Variants in ESRRG observed in about 807,000 individuals in gnomAD.
ESRRG encodes estrogen-related receptor gamma.
In ESRRG, 13 loss-of-function variants were observed where a neutral mutation model predicts 44.0. That is an observed-to-expected ratio of 0.30 (90% CI 0.19 to 0.47). ESRRG has a LOEUF of 0.47. Among genes scored for constraint, ESRRG ranks in the 20% least tolerant of loss-of-function variants. The pLI is 1.00. For missense variants in ESRRG, 395 were observed against 580.6 expected (o/e 0.68, Z 3.29); for synonymous variants, 215 against 214.6 (o/e 1.00, Z -0.02).
At chr1:216,999,632 C>T in intron 1 of ESRRG, among the ~76,000 whole-genome samples, 1 of 152,134 alleles carries the variant, frequency 6.6e-6, no homozygotes, top group East Asian at 1.9e-4. Context: ...CAGTATTTTA[C>T]CAACACCCTG....
intron 2 of ESRRG, among the ~76,000 whole-genome samples, chr1:216,903,324 G>T (rs1577923882): frequency 6.6e-6 from 1 of 152,042 alleles, no homozygotes; most frequent in Admixed American, 6.6e-5. Flanking sequence ...GTAGCACCGG[G>T]CCAAGATCTT....
intron 2 of ESRRG, among the ~76,000 whole-genome samples, chr1:216,842,586 C>T (rs1394107067): frequency 1.3e-5 from 2 of 152,162 alleles, no homozygotes; most frequent in African/African-American, 4.8e-5. Flanking sequence ...GGCAGATGTG[C>T]TTTCTGCCCG....
At chr1:216,851,710 A>G (rs1187858029) in intron 2 of ESRRG, among the ~76,000 whole-genome samples, 1 of 152,236 alleles carries the variant, frequency 6.6e-6, no homozygotes, top group Non-Finnish European at 1.5e-5. Context: ...GTGCTTCATT[A>G]CAGCAGGCCG....
At chr1:216,960,273 G>T (rs2068771928) in intron 1 of ESRRG, among the ~76,000 whole-genome samples, 2 of 152,080 alleles carry the variant, frequency 1.3e-5, no homozygotes, top group African/African-American at 4.8e-5. Flanking sequence ...CATAATAACA[G>T]AATAAACTCT....
chr1:216,878,645 T>C (rs2096394817), intron 2 of ESRRG, among the ~76,000 whole-genome samples: 1 of 152,196 alleles, frequency 6.6e-6, no homozygotes, highest in South Asian at 2.1e-4. Context: ...AAAGCAACAA[T>C]ACACAGTCTG....
intron 1 of ESRRG, among the ~76,000 whole-genome samples, chr1:217,070,740 T>C (rs992931049): frequency 6.6e-5 from 10 of 152,254 alleles, no homozygotes; most frequent in Non-Finnish European, 1.3e-4. Flanking sequence ...CTCACATAAA[T>C]GTACCTATAC....
chr1:216,579,215 A>G (rs1218397835), intron 3 of ESRRG, among the ~76,000 whole-genome samples: 1 of 152,156 alleles, frequency 6.6e-6, no homozygotes, highest in Admixed American at 6.6e-5. Context: ...AAGGCATTAT[A>G]TTTGGACATC....
In ESRRG at chr1:216,959,175, C is replaced by T. The variant is rs2068542344; in HGVS notation, c.-105-19502G>A. On this transcript the variant is annotated intron_variant, in intron 1 of 7. Coordinates refer to the ESRRG transcript ENST00000359162. ...CTCTATGAGGACAAGGAATTTTGAC[C>T]ATTCATTCCACAACTTTTGCTCACT... Among the ~76,000 whole-genome samples, 3 of 152,030 alleles carry T rather than the reference C, an allele frequency of 2.0e-5. No individual in the cohort carries two copies. In the South Asian group the frequency reaches 6.2e-4, roughly 32 times the overall value.
chr1:216,816,567 G>C (rs1021521529), intron 2 of ESRRG, among the ~76,000 whole-genome samples: 2 of 152,140 alleles, frequency 1.3e-5, no homozygotes, highest in African/African-American at 2.4e-5. Flanking sequence ...AAACACACCC[G>C]AGTACTTTAA....
intron 1 of ESRRG, among the ~76,000 whole-genome samples, chr1:216,722,598 T>C (rs1007256306): frequency 6.6e-6 from 1 of 152,092 alleles, no homozygotes; most frequent in Admixed American, 6.6e-5. Flanking sequence ...CTTCTTTAGT[T>C]TTTTTTCCCC....
intron 1 of ESRRG, among the ~76,000 whole-genome samples, chr1:217,028,411 A>C (rs1459151561): frequency 1.3e-5 from 2 of 152,208 alleles, no homozygotes; most frequent in Non-Finnish European, 2.9e-5. Context: ...TGGTAAATAC[A>C]GAAGTCCAAT....
At chr1:216,661,443 G>C (rs1166010499) in intron 2 of ESRRG, among the ~76,000 whole-genome samples, 1 of 152,118 alleles carries the variant, frequency 6.6e-6, no homozygotes, top group African/African-American at 2.4e-5. Context: ...CAAAAGCCTT[G>C]TTAATAAAAT....
intron 3 of ESRRG, among the ~76,000 whole-genome samples, chr1:216,579,974 T>G (rs2062425255): frequency 6.6e-6 from 1 of 152,204 alleles, no homozygotes; most frequent in Non-Finnish European, 1.5e-5. Context: ...TTTCATTTGT[T>G]ACATATATTC....
At chr1:216,574,779 A>C (rs549631922) in intron 3 of ESRRG, among the ~76,000 whole-genome samples, 4 of 152,146 alleles carry the variant, frequency 2.6e-5, no homozygotes, top group Non-Finnish European at 5.9e-5. Flanking sequence ...ATGTTATCAA[A>C]CATAGATTGC....
At chr1:216,576,256 G>A (rs981314831) in intron 3 of ESRRG, among the ~76,000 whole-genome samples, 2 of 151,676 alleles carry the variant, frequency 1.3e-5, no homozygotes, top group African/African-American at 4.8e-5. Context: ...CTGCTTGGCT[G>A]CATGTGGAAA....
chr1:216,627,442 AG>A (rs2063374695), intron 3 of ESRRG, among the ~76,000 whole-genome samples: 1 of 152,060 alleles, frequency 6.6e-6, no homozygotes, highest in African/African-American at 2.4e-5. Context: ...AGTCCTGTTT[AG>A]TTCTATTTCC....
At chr1:216,930,819 C>T (rs563306166) in intron 2 of ESRRG, among the ~76,000 whole-genome samples, 3 of 152,214 alleles carry the variant, frequency 2.0e-5, no homozygotes, top group African/African-American at 7.2e-5. Context: ...GTTAGCTTGT[C>T]AAAGAGTAAT....
chr1:216,716,015 G>T (rs1401106374), intron 1 of ESRRG, among the ~76,000 whole-genome samples: 2 of 151,868 alleles, frequency 1.3e-5, no homozygotes, highest in African/African-American at 4.8e-5. Flanking sequence ...TTTGCATATT[G>T]AATATGCCAT....
intron 2 of ESRRG, among the ~76,000 whole-genome samples, chr1:216,842,308 G>A (rs909448880): frequency 6.6e-6 from 1 of 152,102 alleles, no homozygotes; most frequent in African/African-American, 2.4e-5. Context: ...AGTTCAGAAA[G>A]ACATTGCTTT....
Sources: allele counts gnomAD v4.1 joint callset (sites outside exome capture counted in the v4.1 genomes callset), GRCh38; gene constraint gnomAD v4.1.1; transcripts MANE v1.5; gene names NCBI Gene and HGNC (gene_info 2026-07-23, HGNC 2026-07-21).